The following E2F7 variants were observed in gnomAD, a reference collection of about 807,000 sequenced individuals.
The protein encoded by E2F7 is E2F transcription factor 7, also known as transcription factor E2F7.
In E2F7, 35 loss-of-function variants were observed where a neutral mutation model predicts 81.1. That is an observed-to-expected ratio of 0.43 (90% CI 0.33 to 0.57). The LOEUF is 0.57. E2F7 is among the 20% of genes least tolerant of loss of function. E2F7 has a pLI of 0.04. For missense variants in E2F7, 961 were observed against 1,093.7 expected (o/e 0.88, Z 1.71); for synonymous variants, 416 against 416.2 (o/e 1.00, Z 0.01).
Position 77,024,214 on chromosome 12 carries a change from G to A in E2F7, c.2566-29C>T, listed in dbSNP as rs760457747. On this transcript the variant is annotated intron_variant, in intron 12 of 12. Transcript: ENST00000322886. ...AAAAAAGAAAAAAGAAAAAACAGAA[G>A]TGAAGTCATATTGTTTCTGATCTCT... 5 of 1,604,462 alleles carry A rather than the reference G, an allele frequency of 3.1e-6. No individual in the cohort carries two copies. In the Admixed American group the frequency reaches 8.6e-5, roughly 28 times the overall value.
chr12:77,059,582 C>A (rs1274705735), intron 2 of E2F7, among the ~76,000 whole-genome samples: 1 of 152,134 alleles, frequency 6.6e-6, no homozygotes, highest in East Asian at 1.9e-4. Context: ...AGAAGTAATG[C>A]CAACAGTCAT....
intron 7 of E2F7, among the ~76,000 whole-genome samples, chr12:77,037,464 T>C (rs536623664): frequency 1.1e-3 from 169 of 152,266 alleles, no homozygotes; most frequent in African/African-American, 3.7e-3. Flanking sequence ...TAACACACTA[T>C]GGGGTTTGTA....
At chr12:77,036,156 T>G (rs1184933749) in intron 7 of E2F7, among the ~76,000 whole-genome samples, 1 of 152,072 alleles carries the variant, frequency 6.6e-6, no homozygotes, top group Admixed American at 6.6e-5. Flanking sequence ...ATGAAAACTT[T>G]AAACCCAAAG....
At chr12:77,042,328 G>A (rs1427709672) in intron 7 of E2F7, among the ~76,000 whole-genome samples, 2 of 152,186 alleles carry the variant, frequency 1.3e-5, no homozygotes, top group African/African-American at 2.4e-5. Context: ...GAGGTGGAGA[G>A]CTATATATTT....
intron 3 of E2F7, among the ~76,000 whole-genome samples, chr12:77,054,851 AT>A (rs1955019115): frequency 6.6e-6 from 1 of 152,150 alleles, no homozygotes; most frequent in South Asian, 2.1e-4. Context: ...TAGAACCCCA[AT>A]AAAACCAGGA....
intron 11 of E2F7, among the ~76,000 whole-genome samples, chr12:77,026,385 C>G (rs1409401869): frequency 6.6e-6 from 1 of 152,188 alleles, no homozygotes; most frequent in Non-Finnish European, 1.5e-5. Flanking sequence ...TTACTGTAGC[C>G]TCACCCTCCT....
At chr12:77,035,692 G>C (rs1954843306) in intron 7 of E2F7, among the ~76,000 whole-genome samples, 1 of 152,024 alleles carries the variant, frequency 6.6e-6, no homozygotes, top group Non-Finnish European at 1.5e-5. Context: ...CTCAGTGTCT[G>C]GTATACAACT....
rs1181543646 is a variant in E2F7 at position 77,056,016 on chromosome 12, C to T, written c.208G>A (p.Val70Ile). 3 of 1,614,166 alleles carry T rather than the reference C, an allele frequency of 1.9e-6. No homozygotes were observed. The highest frequency in any genetic ancestry group is 2.5e-6 in the Non-Finnish European group (3 of 1,180,016). Residue 70 changes from valine to isoleucine, a missense_variant, in exon 3 of 13, where the codon GTT (valine) becomes ATT (isoleucine). This residue lies in a region of E2F7 where 301 missense variants were observed against 405.0 expected (regional missense o/e 0.74). Transcript: ENST00000322886. ...GCTTGCTGTCTGTCAACAAACTTAA[C>T]TGGAGTAATGGGATTTCTTTCTGGA... The part of the protein sequence containing the change: ...FTPERNPITP[V>I]KFVDRQQAEP...
rs534704818 is a variant in E2F7, at chr12:77,033,994, C to T, written c.1172G>A (p.Arg391Lys). 1 of 1,614,100 alleles carries T rather than the reference C, an allele frequency of 6.2e-7. No homozygotes were observed. Residue 391 changes from arginine (R) to lysine (K), a missense_variant, in exon 8 of 13, where the codon AGA becomes AAA. By Grantham distance (26) the Arg-to-Lys change is conservative. Coordinates refer to ENST00000322886, the MANE Select transcript of E2F7 (RefSeq NM_203394.3). ...GACTTGAATCTGGCCATATGTTTCT[C>T]TTTTCAATTCTGGTAAGACAGATGC... ...VSASVLPELK[R>K]ETYGQIQVCA...
chr12:77,047,323 T>A (rs1434209100), intron 4 of E2F7, among the ~76,000 whole-genome samples: 1 of 152,222 alleles, frequency 6.6e-6, no homozygotes, highest in Non-Finnish European at 1.5e-5. Flanking sequence ...GAGGATGAAA[T>A]GTAACTGTAA....
intron 2 of E2F7, 110 bp from the exon 3 acceptor site, chr12:77,056,240 T>C: frequency 1.8e-6 from 2 of 1,133,866 alleles, no homozygotes; most frequent in Non-Finnish European, 2.4e-6. Flanking sequence ...TAGGACCATA[T>C]GTTTAGGGCT....
chr12:77,059,873 G>A (rs1955064372), intron 2 of E2F7, among the ~76,000 whole-genome samples: 1 of 147,606 alleles, frequency 6.8e-6, no homozygotes, highest in African/African-American at 2.5e-5. Flanking sequence ...TGAGGCAGGA[G>A]AATAGCGTGA....
At chr12:77,057,545 G>C (rs117281536) in intron 2 of E2F7, among the ~76,000 whole-genome samples, 1 of 152,030 alleles carries the variant, frequency 6.6e-6, no homozygotes, top group African/African-American at 2.4e-5. Context: ...CTCAAGTTCC[G>C]TTCTTAATTT....
At chr12:77,042,987 TGTA>T in intron 7 of E2F7, 75 bp downstream of exon 7, 2 of 1,594,528 alleles carry the variant, frequency 1.3e-6, no homozygotes, top group Non-Finnish European at 1.7e-6. Context: ...AGTCTCACTG[TGTA>T]GTAGATGTGA....
chr12:77,037,713 T>C (rs893668265), intron 7 of E2F7, among the ~76,000 whole-genome samples: 2 of 151,858 alleles, frequency 1.3e-5, no homozygotes, highest in African/African-American at 4.8e-5. Flanking sequence ...GAAATACTTA[T>C]AAATCCAAAA....
intron 1 of E2F7, 93 bp downstream of exon 1, chr12:77,065,252 G>A (rs1051078261): frequency 6.6e-6 from 1 of 152,362 alleles, no homozygotes. Context: ...GCCAGCCGGG[G>A]GACGTGAGGA....
chr12:77,029,866 A>G lies in E2F7; in HGVS notation c.1849T>C (p.Tyr617His). The G allele has an allele frequency of 6.2e-7, 1 of 1,614,202 alleles. No individual in the cohort carries two copies. The highest frequency in any genetic ancestry group is 1.6e-4 in the Middle Eastern group (1 of 6,062). ...ACAAGCGACAGCGGGCCGTCTTCATATTCCCTACTTTGCCTTTTAGTGGCT... is the reference window on the plus strand; with the variant it reads ...ACAAGCGACAGCGGGCCGTCTTCATGTTCCCTACTTTGCCTTTTAGTGGCT... ...EPATKRQSRE[Y>H]EDGPLSLVMP... The change falls in exon 10 of 13, where the codon TAT becomes CAT. Residue 617 changes from tyrosine (Y) to histidine (H), a missense_variant. By Grantham distance (83) the Tyr-to-His change is moderately conservative. Around this residue, in one of 3 missense-constraint regions of E2F7, gnomAD observed 587 missense variants for 620.3 expected, o/e 0.95. Coordinates refer to ENST00000322886, the MANE Select transcript of E2F7 (RefSeq NM_203394.3).
intron 2 of E2F7, among the ~76,000 whole-genome samples, chr12:77,057,844 A>C (rs746140218): frequency 1.3e-5 from 2 of 152,198 alleles, no homozygotes. Context: ...ATAATTACAA[A>C]GGTAGATGAG....
Position 77,025,805 on chromosome 12 carries a change from C to T in E2F7, c.2318G>A (p.Gly773Asp), listed in dbSNP as rs770738170. The change falls in exon 12 of 13, where the codon GGT becomes GAT. Residue 773 changes from glycine to aspartate, a missense_variant. Physicochemically the swap from Gly to Asp is moderately conservative, Grantham distance 94. Coordinates refer to ENST00000322886, the MANE Select transcript of E2F7 (RefSeq NM_203394.3). The part of the protein sequence containing the change: ...AMPGPVSSTL[G>D]ALPNTGPVNF... The stretch of plus-strand genomic sequence containing the variant: ...CACAGGTCCTGTGTTTGGGAGAGCA[C>T]CAAGAGTAGAAGAAACCGGGCCCGG... 5.6e-6 allele frequency: 9 copies of T among 1,613,738 alleles called. No homozygotes were observed. In the African/African-American group the frequency reaches 1.2e-4, roughly 22 times the overall value.
Sources: allele counts gnomAD v4.1 joint callset (sites outside exome capture counted in the v4.1 genomes callset), GRCh38; gene constraint gnomAD v4.1.1; regional missense constraint gnomAD v4.1.1; transcripts MANE v1.5; gene names NCBI Gene and HGNC (gene_info 2026-07-23, HGNC 2026-07-21).